Variants in FDXR observed in about 807,000 individuals in gnomAD.
FDXR encodes the protein ferredoxin reductase.
Under a neutral mutation model 58.3 loss-of-function variants are expected in FDXR, and 38 were observed. That is an observed-to-expected ratio of 0.65 (90% CI 0.50 to 0.85). The LOEUF (loss-of-function observed/expected upper bound fraction) is 0.85, where lower values mean the gene tolerates loss of function less well. Ranked by LOEUF, FDXR falls within the 40% of genes least tolerant of loss-of-function variation. The pLI, the probability that FDXR is intolerant of heterozygous loss-of-function variation, is 0.00. For missense variants in FDXR, 624 were observed against 671.0 expected (o/e 0.93, Z 0.77); for synonymous variants, 275 against 273.8 (o/e 1.00, Z -0.04).
chr17:74,870,537 A>C (rs2038339675), intron 2 of FDXR, among the ~76,000 whole-genome samples: 1 of 150,244 alleles, frequency 6.7e-6, no homozygotes, highest in Non-Finnish European at 1.5e-5. Flanking sequence ...AAAAAAAAAA[A>C]AGAACACTGC....
intron 2 of FDXR, among the ~76,000 whole-genome samples, chr17:74,870,598 AAAC>A (rs2038342935): frequency 1.3e-5 from 2 of 151,558 alleles, no homozygotes; most frequent in Non-Finnish European, 2.9e-5. Context: ...AGCTAAAAAA[AAAC>A]TGTCCCTTAT....
chr17:74,868,850 A>C, intron 2 of FDXR: 1 of 1,063,550 alleles, frequency 9.4e-7, no homozygotes, highest in Non-Finnish European at 1.3e-6. Flanking sequence ...ATGACTTTCT[A>C]CTCTCTCTCT....
At chr17:74,863,499 C>T (rs1343969941) in intron 10 of FDXR, among the ~76,000 whole-genome samples, 2 of 152,196 alleles carry the variant, frequency 1.3e-5, no homozygotes, top group African/African-American at 4.8e-5. Flanking sequence ...CTGAGGCTTG[C>T]TCCCCTGCAG....
intron 7 of FDXR, 112 bp from the exon 8 acceptor site, chr17:74,864,676 C>A: frequency 7.0e-7 from 1 of 1,429,074 alleles, no homozygotes; most frequent in South Asian, 1.2e-5. Context: ...GCCTCCTCCC[C>A]AAAGGCACAG....
chr17:74,864,794 C>A (rs758648690), intron 7 of FDXR, 30 bp downstream of exon 7: 15 of 1,613,488 alleles, frequency 9.3e-6, no homozygotes, highest in Non-Finnish European at 1.3e-5. Flanking sequence ...CCACCTGGAA[C>A]CCTGGCTCCT....
chr17:74,872,554 C>G, intron 1 of FDXR: 2 of 625,990 alleles, frequency 3.2e-6, no homozygotes, highest in Non-Finnish European at 5.5e-6. Context: ...TCCTACAGAT[C>G]CCTGTTTCGA....
intron 10 of FDXR, 121 bp from the exon 11 acceptor site, chr17:74,863,367 G>A: frequency 1.0e-6 from 1 of 975,430 alleles, no homozygotes; most frequent in Non-Finnish European, 1.5e-6. Flanking sequence ...TTGGCAGACT[G>A]TCGGCTGAGC....
rs2038267454 is a variant in FDXR, at chr17:74,868,446, G to A, written c.178-1570C>T. The A allele has an allele frequency of 4.0e-6, 3 of 757,122 alleles. No homozygotes were observed. The Admixed American group carries it at 6.0e-5, about 15-fold the overall frequency. The allele number at this position is 757,122 out of a possible 1,614,324, so 46.9% of individuals were successfully genotyped here. On this transcript the variant is annotated intron_variant, in intron 2 of 11. Coordinates refer to ENST00000293195, the MANE Select transcript of FDXR (RefSeq NM_024417.5). ...GAGCTATCATTACTATTCTGTTGTT[G>A]TATGTCACTGCCTTGCTCAAAAATC...
intron 10 of FDXR, 77 bp downstream of exon 10, chr17:74,863,819 A>G: frequency 6.6e-7 from 1 of 1,520,938 alleles, no homozygotes; most frequent in Non-Finnish European, 8.9e-7. Flanking sequence ...TAGATGAATG[A>G]ACGCATGGCC....
Position 74,863,964 on chromosome 17 carries a change from G to A in FDXR, c.1106C>T (p.Pro369Leu). Reference sequence around the variant, plus strand: ...AAGCTTGGAGTCAAAGGGCACGCTTGGGTCGACAGGGCGGCTCTTATACCC... The same window carrying A: ...AAGCTTGGAGTCAAAGGGCACGCTTAGGTCGACAGGGCGGCTCTTATACCC... ...SIGYKSRPVD[P>L]SVPFDSKLGV... is the part of the protein sequence containing the mutation. The change falls in exon 10 of 12, where the codon CCA becomes CTA. Residue 369 changes from proline to leucine, a missense_variant. By Grantham distance (98) the Pro-to-Leu change is moderately conservative. Coordinates refer to ENST00000293195, the MANE Select transcript of FDXR (RefSeq NM_024417.5). The A allele has an allele frequency of 6.2e-7, 1 of 1,614,100 alleles. No individual in the cohort carries two copies. Among genetic ancestry groups the A allele is most frequent in the Non-Finnish European group, 8.5e-7 (1 of 1,180,016 alleles).
chr17:74,869,300 G>A (rs1396385341), intron 2 of FDXR, among the ~76,000 whole-genome samples: 1 of 152,204 alleles, frequency 6.6e-6, no homozygotes, highest in African/African-American at 2.4e-5. Flanking sequence ...GTCCAAGTTA[G>A]GCCCAGGAAT....
chr17:74,872,987 T>G lies in FDXR; in HGVS notation c.-43A>C. On this transcript the variant is annotated 5_prime_UTR_variant, in exon 1 of 12. Transcript: ENST00000293195. The stretch of plus-strand genomic sequence containing the variant: ...TGCAAGTGGATCTGTTCCTAGCTAC[T>G]GCTCCGCAGGGCAAGCCCGCTCCTG... The G allele has an allele frequency of 6.6e-7, 1 of 1,523,292 alleles. No homozygotes were observed. Among genetic ancestry groups the G allele is most frequent in the Non-Finnish European group, 8.9e-7 (1 of 1,127,776 alleles). 94.4% of individuals were successfully genotyped at this position (1,523,292 alleles called of 1,614,324 possible). A position where few individuals can be genotyped will look rare whatever the true frequency, so the allele number is the denominator to read the frequency against.
chr17:74,864,218 G>A lies in FDXR; in HGVS notation c.932C>T (p.Pro311Leu), dbSNP rs752096124. The change falls in exon 9 of 12, where the codon CCC becomes CTC. Residue 311 changes from proline to leucine, a missense_variant. Pro to Leu is a moderately conservative substitution (Grantham distance 98). Coordinates refer to ENST00000293195, the MANE Select transcript of FDXR (RefSeq NM_024417.5). ...RAWGLRFFRS[P>L]QQVLPSPDGR... ...ATCTGGTGAGGGCAGCACCTGCTGG[G>A]GGCTTCGGAAAAAGCGGAGGCCCCA... The A allele has an allele frequency of 6.2e-7, 1 of 1,609,334 alleles. No homozygotes were observed. The highest frequency in any genetic ancestry group is 8.5e-7 in the Non-Finnish European group (1 of 1,177,262).
At chr17:74,872,240 C>A in intron 1 of FDXR, 107 bp from the exon 2 acceptor site, 2 of 1,544,442 alleles carry the variant, frequency 1.3e-6, no homozygotes, top group African/African-American at 1.4e-5. Flanking sequence ...GCTTCACCCT[C>A]ACCTGCATCC....
intron 5 of FDXR, 132 bp from the exon 6 acceptor site, chr17:74,865,952 T>C (rs2038164608): frequency 1.1e-6 from 1 of 872,980 alleles, no homozygotes; most frequent in Non-Finnish European, 1.8e-6. Flanking sequence ...ACAACTCTGG[T>C]CCCTCCTCCC....
intron 1 of FDXR, 141 bp downstream of exon 1, chr17:74,872,725 A>G: frequency 6.6e-7 from 1 of 1,512,944 alleles, no homozygotes; most frequent in Non-Finnish European, 8.8e-7. Flanking sequence ...ACCCCCGTAC[A>G]CCACCGGGAT....
In FDXR at chr17:74,866,122, C is replaced by T. The variant is rs553757022; in HGVS notation, c.507+9G>A. The stretch of plus-strand genomic sequence containing the variant: ...AGGAAGAGGCAGCGGGCGTGCTCCC[C>T]ATACTCACCTCCTGGTTCTCAGGAA... On this transcript the variant is annotated intron_variant, in intron 5 of 11. Coordinates refer to ENST00000293195, the MANE Select transcript of FDXR (RefSeq NM_024417.5). The T allele has an allele frequency of 5.6e-6, 9 of 1,599,288 alleles. No individual in the cohort carries two copies. In the East Asian group the frequency reaches 2.0e-4, roughly 36 times the overall value.
intron 2 of FDXR, chr17:74,869,865 T>A (rs1049937966): frequency 2.4e-6 from 1 of 422,284 alleles, no homozygotes; most frequent in Non-Finnish European, 5.0e-6. Context: ...TGGCCTCACA[T>A]GGAGCTGCCT....
In FDXR at chr17:74,865,529, A is replaced by C. The variant is rs529380770; in HGVS notation, c.609+190T>G. On this transcript the variant is annotated intron_variant, in intron 6 of 11. Coordinates refer to ENST00000293195, the MANE Select transcript of FDXR (RefSeq NM_024417.5). The stretch of plus-strand genomic sequence containing the variant: ...AAACGCCACTTAGCTGGAGTGCAGA[A>C]AGTGAAGGGAAAATGGTAGAAGAGG... Among the ~76,000 whole-genome samples the C allele has an allele frequency of 5.3e-5, 8 of 152,208 alleles. No individual in the cohort carries two copies. The South Asian group carries it at 1.2e-3, about 24-fold the overall frequency.
Sources: gnomAD v4.1 joint callset for allele counts (sites outside exome capture counted in the v4.1 genomes callset) on GRCh38, gnomAD v4.1.1 for gene constraint, MANE v1.5 for transcripts, NCBI Gene and HGNC (gene_info 2026-07-23, HGNC 2026-07-21) for gene names.